Variants in GABRB3 observed in about 807,000 individuals in gnomAD.
The protein encoded by GABRB3 is gamma-aminobutyric acid receptor subunit beta-3.
A neutral mutation model predicts 52.1 loss-of-function variants in GABRB3; 14 were observed. That is an observed-to-expected ratio of 0.27 (90% CI 0.18 to 0.42). GABRB3 has a LOEUF of 0.42. GABRB3 is among the 10% of genes least tolerant of loss of function. The pLI, the probability that GABRB3 is intolerant of heterozygous loss-of-function variation, is 1.00. For synonymous variants in GABRB3, 260 were observed against 232.3 expected (o/e 1.12, Z -1.08); for missense variants, 307 against 609.1 (o/e 0.50, Z 5.22).
chr15:26,670,405 A>G (rs1326876315), intron 3 of GABRB3, among the ~76,000 whole-genome samples: 1 of 152,162 alleles, frequency 6.6e-6, no homozygotes, highest in Admixed American at 6.5e-5. Context: ...GTCTGACGAC[A>G]GCAGGGTCGT....
intron 8 of GABRB3, among the ~76,000 whole-genome samples, chr15:26,556,230 A>T (rs1889745164): frequency 6.6e-6 from 1 of 152,252 alleles, no homozygotes; most frequent in African/African-American, 2.4e-5. Flanking sequence ...ACATTCAACG[A>T]CTAAAAACAT....
intron 3 of GABRB3, among the ~76,000 whole-genome samples, chr15:26,700,684 A>T (rs1052047579): frequency 2.7e-5 from 4 of 148,716 alleles, no homozygotes; most frequent in Non-Finnish European, 5.9e-5. Context: ...GTAATTCAAC[A>T]TACTAAGAAA....
chr15:26,742,713 C>T (rs118039443), intron 3 of GABRB3, among the ~76,000 whole-genome samples: 81 of 152,264 alleles, frequency 5.3e-4, no homozygotes, highest in Middle Eastern at 6.8e-3. Context: ...TTTCCAACTG[C>T]TTTTTAAATG....
intron 3 of GABRB3, among the ~76,000 whole-genome samples, chr15:26,653,677 G>A (rs1010296064): frequency 1.3e-5 from 2 of 152,158 alleles, no homozygotes; most frequent in African/African-American, 2.4e-5. Flanking sequence ...TGGGCAGCAG[G>A]CAAAATGGAC....
intron 3 of GABRB3, among the ~76,000 whole-genome samples, chr15:26,669,330 T>G (rs1219115466): frequency 2.6e-5 from 4 of 152,206 alleles, no homozygotes; most frequent in Non-Finnish European, 4.4e-5. Flanking sequence ...GCTAAGTGTG[T>G]GGCATCCCAA....
intron 4 of GABRB3, among the ~76,000 whole-genome samples, chr15:26,606,004 T>C (rs117349968): frequency 0.013 from 1,914 of 151,960 alleles, 27 homozygotes; most frequent in Middle Eastern, 0.024. Flanking sequence ...AGAGAGCAAA[T>C]GGGAAGGTCC....
chr15:26,648,340 A>G (rs570839749), intron 3 of GABRB3, among the ~76,000 whole-genome samples: 3 of 152,342 alleles, frequency 2.0e-5, no homozygotes, highest in East Asian at 1.9e-4. Context: ...AGGCTCAACA[A>G]TAATTTATTT....
chr15:26,638,876 G>T (rs1035018838), intron 3 of GABRB3, among the ~76,000 whole-genome samples: 1 of 152,138 alleles, frequency 6.6e-6, no homozygotes, highest in African/African-American at 2.4e-5. Context: ...CTGAGCCACT[G>T]GCAGAGGAAC....
intron 8 of GABRB3, among the ~76,000 whole-genome samples, chr15:26,550,674 G>A (rs577605366): frequency 2.0e-4 from 31 of 151,510 alleles, no homozygotes; most frequent in Non-Finnish European, 3.5e-4. Flanking sequence ...ATTTGACCAA[G>A]CACCTGAATG....
chr15:26,634,956 CAAGT>C (rs66675413), intron 3 of GABRB3, among the ~76,000 whole-genome samples: 63,060 of 118,378 alleles, frequency 0.53, 17,516 homozygotes, highest in Middle Eastern at 0.61. Flanking sequence ...ATAACTTTCT[CAAGT>C]AAGTAAGAGA....
intron 3 of GABRB3, among the ~76,000 whole-genome samples, chr15:26,674,432 G>A (rs1283367951): frequency 8.7e-5 from 6 of 68,658 alleles, no homozygotes; most frequent in South Asian, 4.4e-4. Context: ...GAAAAGAAAA[G>A]AAAGGAAAGG....
intron 3 of GABRB3, among the ~76,000 whole-genome samples, chr15:26,736,669 G>A (rs1189270196): frequency 2.0e-5 from 3 of 152,250 alleles, no homozygotes; most frequent in African/African-American, 7.2e-5. Context: ...CTGCAGGACA[G>A]TGGATCTGGA....
intron 4 of GABRB3, among the ~76,000 whole-genome samples, chr15:26,597,096 C>T (rs555641366): frequency 1.3e-5 from 2 of 152,238 alleles, no homozygotes; most frequent in South Asian, 2.1e-4. Flanking sequence ...TTAATCCATT[C>T]ATGAGGACAG....
intron 3 of GABRB3, among the ~76,000 whole-genome samples, chr15:26,763,963 T>C (rs1011500453): frequency 2.0e-5 from 3 of 151,216 alleles, no homozygotes; most frequent in African/African-American, 7.3e-5. Flanking sequence ...CTGGCCAACA[T>C]GGTGAAACCC....
intron 3 of GABRB3, among the ~76,000 whole-genome samples, chr15:26,690,806 G>A (rs919255270): frequency 2.7e-5 from 4 of 150,866 alleles, no homozygotes; most frequent in Admixed American, 6.6e-5. Context: ...ATTAATGACA[G>A]GTTTTGCATA....
intron 4 of GABRB3, among the ~76,000 whole-genome samples, chr15:26,603,622 T>C (rs1002730899): frequency 2.0e-5 from 3 of 152,054 alleles, no homozygotes; most frequent in African/African-American, 7.2e-5. Flanking sequence ...GTTCAACATA[T>C]GCAAATTAAT....
intron 3 of GABRB3, among the ~76,000 whole-genome samples, chr15:26,677,434 G>T (rs186528931): frequency 1.5e-4 from 23 of 152,114 alleles, no homozygotes; most frequent in Non-Finnish European, 3.1e-4. Flanking sequence ...GCTGGTTTTG[G>T]GGGAGAGAAA....
chr15:26,556,204 AC>A (rs1229859057), intron 8 of GABRB3, among the ~76,000 whole-genome samples: 1 of 152,182 alleles, frequency 6.6e-6, no homozygotes, highest in East Asian at 1.9e-4. Flanking sequence ...CTGCTCTATA[AC>A]CTTGACAGGT....
intron 3 of GABRB3, among the ~76,000 whole-genome samples, chr15:26,650,437 C>A (rs1267783372): frequency 6.6e-6 from 1 of 151,894 alleles, no homozygotes; most frequent in African/African-American, 2.4e-5. Context: ...CCAGTAGGGC[C>A]AAAAGAGAAG....
Sources: allele counts gnomAD v4.1 joint callset (sites outside exome capture counted in the v4.1 genomes callset), GRCh38; gene constraint gnomAD v4.1.1; transcripts MANE v1.5; gene names NCBI Gene and HGNC (gene_info 2026-07-23, HGNC 2026-07-21).